The following SPRY4 variants were observed in gnomAD, a reference collection of about 807,000 sequenced individuals.
SPRY4 encodes protein sprouty homolog 4.
A neutral mutation model predicts 17.0 loss-of-function variants in SPRY4; 7 were observed. That is an observed-to-expected ratio of 0.41 (90% CI 0.23 to 0.77). The LOEUF is 0.77. SPRY4 is among the 30% of genes least tolerant of loss of function. SPRY4 has a pLI of 0.32. For missense variants in SPRY4, 435 were observed against 419.9 expected (o/e 1.04, Z -0.31); for synonymous variants, 183 against 174.1 (o/e 1.05, Z -0.40).
chr5:142,319,064 A>G (rs796849751), intron 1 of SPRY4, among the ~76,000 whole-genome samples: 5 of 152,330 alleles, frequency 3.3e-5, no homozygotes, highest in African/African-American at 1.2e-4. Context: ...ATTTGAACCA[A>G]GACAGCAGAG....
chr5:142,320,750 C>T (rs1403170050), intron 1 of SPRY4, among the ~76,000 whole-genome samples: 2 of 152,134 alleles, frequency 1.3e-5, no homozygotes, highest in Non-Finnish European at 2.9e-5. Context: ...AGGGCTTCCT[C>T]CCACAGACAC....
At chr5:142,319,349 G>A (rs966582126) in intron 1 of SPRY4, among the ~76,000 whole-genome samples, 6 of 152,180 alleles carry the variant, frequency 3.9e-5, no homozygotes, top group Non-Finnish European at 5.9e-5. Flanking sequence ...TCTCATTCAA[G>A]GAAGGCTCAG....
At chr5:142,316,917 A>G (rs549152077) in intron 1 of SPRY4, 1 of 886,526 alleles carries the variant, frequency 1.1e-6, no homozygotes, top group East Asian at 1.2e-4. Context: ...TGCCTACTTA[A>G]AAGGATGCTG....
intron 1 of SPRY4, chr5:142,317,346 G>T (rs976632213): frequency 2.0e-6 from 2 of 985,330 alleles, no homozygotes; most frequent in African/African-American, 1.7e-5. Flanking sequence ...GACGCTGCCT[G>T]GAGGAAAGGG....
At chr5:142,317,521 A>AT (rs1279892124) in intron 1 of SPRY4, 7 of 984,876 alleles carry the variant, frequency 7.1e-6, no homozygotes, top group Middle Eastern at 5.2e-4. Flanking sequence ...TGAAGCTTCT[A>AT]TTGCCCCATA....
At chr5:142,320,311 T>C (rs1041704932) in intron 1 of SPRY4, among the ~76,000 whole-genome samples, 58 of 152,044 alleles carry the variant, frequency 3.8e-4, no homozygotes, top group African/African-American at 1.4e-3. Flanking sequence ...GATTTGTCTA[T>C]GAATCTTTCT....
chr5:142,316,870 C>T (rs939511302), intron 1 of SPRY4, among the ~76,000 whole-genome samples: 4 of 152,234 alleles, frequency 2.6e-5, no homozygotes, highest in African/African-American at 9.6e-5. Flanking sequence ...TTCCCATTCA[C>T]GCAGGGCATC....
At chr5:142,322,483 A>AAAT (rs79291595) in intron 1 of SPRY4, among the ~76,000 whole-genome samples, 1,255 of 117,502 alleles carry the variant, frequency 0.011, 15 homozygotes, top group African/African-American at 0.023. Context: ...AAAAAAAAAA[A>AAAT]ATATATATAT....
chr5:142,315,168 T>C lies in SPRY4; in HGVS notation c.-47-13A>G. ...GCTTCTAGGGGCCCTGGGGGTGGGG[T>C]GGGGAAAAGGAAGAGAGAATGGATT... On this transcript the variant is annotated splice_polypyrimidine_tract_variant and intron_variant, in intron 1 of 1. Coordinates refer to ENST00000434127, the MANE Select transcript of SPRY4 (RefSeq NM_001127496.3). 1 of 1,445,356 alleles carries C rather than the reference T, an allele frequency of 6.9e-7. No individual in the cohort carries two copies. Among genetic ancestry groups the C allele is most frequent in the Non-Finnish European group, 9.5e-7 (1 of 1,054,690 alleles). 89.5% of individuals were successfully genotyped at this position (1,445,356 alleles called of 1,614,324 possible). A position where few individuals can be genotyped will look rare whatever the true frequency, so the allele number is the denominator to read the frequency against.
At position 142,312,512 on chromosome 5, in the gene SPRY4, T is replaced by C. The variant is rs1049567494; in HGVS notation, c.*1697A>G. 2.0e-5 allele frequency: 3 copies of C among 152,186 alleles called. No homozygotes were observed. Among genetic ancestry groups the C allele is most frequent in the African/African-American group, 4.8e-5 (2 of 41,446 alleles). 9.4% of individuals were successfully genotyped at this position (152,186 alleles called of 1,614,324 possible). On this transcript the variant is annotated 3_prime_UTR_variant, in exon 2 of 2. Transcript: ENST00000434127. ...CTTGAGAAGCATTAGGTGCCTATCATAGCTACCTACCTCGCTGCCTCCTTC... is the reference window on the plus strand; with the variant it reads ...CTTGAGAAGCATTAGGTGCCTATCACAGCTACCTACCTCGCTGCCTCCTTC...
chr5:142,317,445 T>A, intron 1 of SPRY4: 1 of 985,086 alleles, frequency 1.0e-6, no homozygotes, highest in Non-Finnish European at 1.2e-6. Flanking sequence ...ATAACATGAG[T>A]CCCTTGTTCC....
At chr5:142,317,867 G>T in intron 1 of SPRY4, 1 of 985,406 alleles carries the variant, frequency 1.0e-6, no homozygotes, top group Non-Finnish European at 1.2e-6. Context: ...GCCTGCAGTT[G>T]AGGCCAGACA....
chr5:142,319,898 G>A, intron 1 of SPRY4: 1 of 1,011,218 alleles, frequency 9.9e-7, no homozygotes, highest in South Asian at 1.9e-5. Flanking sequence ...GAGGTGAGTT[G>A]GGAAATATTG....
At chr5:142,317,079 C>A in intron 1 of SPRY4, 5 of 985,472 alleles carry the variant, frequency 5.1e-6, no homozygotes, top group Non-Finnish European at 6.0e-6. Flanking sequence ...TCTGGCAGGT[C>A]TGCCACCAAA....
At chr5:142,322,812 C>T (rs995974469) in intron 1 of SPRY4, among the ~76,000 whole-genome samples, 4 of 152,212 alleles carry the variant, frequency 2.6e-5, no homozygotes, top group Non-Finnish European at 4.4e-5. Context: ...TACACCCGTA[C>T]TGGCCACATG....
chr5:142,323,238 C>T (rs960855457), intron 1 of SPRY4, among the ~76,000 whole-genome samples: 6 of 151,732 alleles, frequency 4.0e-5, no homozygotes, highest in Non-Finnish European at 8.8e-5. Context: ...CTTTGAATCC[C>T]GAGAGACTTG....
intron 1 of SPRY4, chr5:142,317,142 G>C (rs1460455310): frequency 1.0e-6 from 1 of 985,354 alleles, no homozygotes; most frequent in East Asian, 1.1e-4. Flanking sequence ...GTCAGGGCTG[G>C]AGAGAGGGAA....
At chr5:142,317,963 T>C (rs971971278) in intron 1 of SPRY4, 1 of 985,250 alleles carries the variant, frequency 1.0e-6, no homozygotes, top group African/African-American at 1.7e-5. Flanking sequence ...TTCTAAAATG[T>C]ATCTTCCCTA....
chr5:142,316,519 G>T (rs1397605537), intron 1 of SPRY4, among the ~76,000 whole-genome samples: 1 of 152,116 alleles, frequency 6.6e-6, no homozygotes, highest in Non-Finnish European at 1.5e-5. Flanking sequence ...CCCAGGGAAT[G>T]GGGAGGGAGG....
Sources: allele counts gnomAD v4.1 joint callset (sites outside exome capture counted in the v4.1 genomes callset), GRCh38; gene constraint gnomAD v4.1.1; transcripts MANE v1.5; gene names NCBI Gene and HGNC (gene_info 2026-07-23, HGNC 2026-07-21).